Variants in PROS1 observed in about 807,000 individuals in gnomAD.
PROS1 encodes vitamin K-dependent protein S.
In PROS1, 29 loss-of-function variants were observed where a neutral mutation model predicts 75.9. The observed-to-expected ratio is 0.38, with a 90% CI of 0.28 to 0.52. The LOEUF (loss-of-function observed/expected upper bound fraction) is 0.52, where lower values mean the gene tolerates loss of function less well. Ranked by LOEUF, PROS1 falls within the 20% of genes least tolerant of loss-of-function variation. The pLI is 0.83. For missense variants in PROS1, 680 were observed against 810.3 expected (o/e 0.84, Z 1.95); for synonymous variants, 245 against 280.6 (o/e 0.87, Z 1.27).
intron 1 of PROS1, among the ~76,000 whole-genome samples, chr3:93,936,811 G>A (rs1294490675): frequency 6.6e-6 from 1 of 152,134 alleles, no homozygotes; most frequent in African/African-American, 2.4e-5. Context: ...GGTTAATGAT[G>A]GCAGAGAGTA....
intron 3 of PROS1, among the ~76,000 whole-genome samples, chr3:93,913,925 C>T (rs1708799947): frequency 6.6e-6 from 1 of 152,180 alleles, no homozygotes; most frequent in Non-Finnish European, 1.5e-5. Flanking sequence ...CAGGTAAGAA[C>T]AGTAACTGGT....
intron 1 of PROS1, among the ~76,000 whole-genome samples, chr3:93,961,947 T>G (rs917385434): frequency 3.3e-5 from 5 of 152,046 alleles, no homozygotes; most frequent in African/African-American, 1.2e-4. Flanking sequence ...CCCTACCTAT[T>G]CTCTCCTCCT....
At chr3:93,962,779 G>C (rs1709726230) in intron 1 of PROS1, among the ~76,000 whole-genome samples, 1 of 152,164 alleles carries the variant, frequency 6.6e-6, no homozygotes, top group Non-Finnish European at 1.5e-5. Context: ...GCAAGAGTTT[G>C]GTCATGTTGG....
intron 1 of PROS1, among the ~76,000 whole-genome samples, chr3:93,941,448 T>C (rs1341068776): frequency 2.6e-5 from 4 of 152,188 alleles, no homozygotes; most frequent in Non-Finnish European, 5.9e-5. Flanking sequence ...CTTTCCTTCC[T>C]GGGCATGATT....
chr3:93,967,938 A>T (rs1709815442), intron 1 of PROS1: 1 of 152,210 alleles, frequency 6.6e-6, no homozygotes, highest in Non-Finnish European at 1.5e-5. Context: ...CTGGTCCAAT[A>T]GTAGTGGGTT....
chr3:93,912,720 C>G (rs1355745567), intron 3 of PROS1, among the ~76,000 whole-genome samples: 2 of 152,142 alleles, frequency 1.3e-5, no homozygotes, highest in African/African-American at 2.4e-5. Flanking sequence ...GCTACACCAT[C>G]CCACAGCAGA....
chr3:93,905,520 AATT>A, intron 6 of PROS1, among the ~76,000 whole-genome samples: 1 of 152,144 alleles, frequency 6.6e-6, no homozygotes, highest in East Asian at 1.9e-4. Context: ...TCAGAGGATC[AATT>A]AAGCTCGGGA....
At chr3:93,914,366 T>A (rs1708807442) in intron 3 of PROS1, among the ~76,000 whole-genome samples, 2 of 152,178 alleles carry the variant, frequency 1.3e-5, no homozygotes, top group Admixed American at 1.3e-4. Flanking sequence ...CCTGCAAAAT[T>A]TACACCACAT....
intron 1 of PROS1, among the ~76,000 whole-genome samples, chr3:93,964,737 A>G (rs562604933): frequency 6.6e-6 from 1 of 152,226 alleles, no homozygotes; most frequent in East Asian, 1.9e-4. Context: ...GAAATCCTTA[A>G]TAAAAACCTG....
At chr3:93,902,684 C>G (rs1401647725) in intron 6 of PROS1, among the ~76,000 whole-genome samples, 1 of 151,022 alleles carries the variant, frequency 6.6e-6, no homozygotes, top group African/African-American at 2.4e-5. Context: ...ACCCGGGAAA[C>G]AGAGGTTGCA....
intron 10 of PROS1, among the ~76,000 whole-genome samples, chr3:93,889,535 T>C (rs1039046330): frequency 4.6e-5 from 7 of 152,180 alleles, no homozygotes; most frequent in Admixed American, 4.6e-4. Flanking sequence ...CATGTTACAT[T>C]ATATTATTTC....
At chr3:93,878,483 A>T (rs1362376486) in intron 13 of PROS1, among the ~76,000 whole-genome samples, 11 of 152,192 alleles carry the variant, frequency 7.2e-5, no homozygotes, top group Admixed American at 7.2e-4. Flanking sequence ...TGGCATAAAC[A>T]TCAGCTTCTT....
intron 6 of PROS1, among the ~76,000 whole-genome samples, chr3:93,902,035 C>T (rs1294965044): frequency 2.6e-5 from 4 of 151,904 alleles, no homozygotes; most frequent in Non-Finnish European, 5.9e-5. Context: ...CAGGAGTGGC[C>T]GGGCACAGCA....
At chr3:93,930,176 C>CATTAAAATAGAG (rs1372693445) in intron 1 of PROS1, among the ~76,000 whole-genome samples, 1 of 152,116 alleles carries the variant, frequency 6.6e-6, no homozygotes, top group Non-Finnish European at 1.5e-5. Flanking sequence ...TTATCATGCT[C>CATTAAAATAGAG]ATTAAAATAG....
At chr3:93,886,550 G>C in intron 10 of PROS1, 47 bp from the exon 11 acceptor site, 1 of 1,419,554 alleles carries the variant, frequency 7.0e-7, no homozygotes, top group East Asian at 2.3e-5. Context: ...ATTACTACAT[G>C]TCATTTGAAA....
chr3:93,949,836 T>G (rs1709464086), intron 1 of PROS1, among the ~76,000 whole-genome samples: 1 of 152,064 alleles, frequency 6.6e-6, no homozygotes, highest in African/African-American at 2.4e-5. Flanking sequence ...CTGGGACTTG[T>G]TGGACAGTGG....
chr3:93,885,026 T>C, intron 11 of PROS1, 130 bp from the exon 12 acceptor site: 2 of 854,178 alleles, frequency 2.3e-6, no homozygotes, highest in Non-Finnish European at 1.8e-6. Flanking sequence ...TTGAATTTTA[T>C]TTAAGTTTTT....
chr3:93,906,386 G>A (rs1211986123), intron 4 of PROS1, among the ~76,000 whole-genome samples: 4 of 152,324 alleles, frequency 2.6e-5, no homozygotes, highest in Admixed American at 1.3e-4. Context: ...CTGCCAAGAC[G>A]CCAGCTGCAG....
intron 10 of PROS1, among the ~76,000 whole-genome samples, chr3:93,890,187 A>G (rs1056018570): frequency 2.0e-5 from 3 of 152,102 alleles, no homozygotes; most frequent in African/African-American, 7.2e-5. Flanking sequence ...AGGGTGGGGA[A>G]AAAACCCCAC....
Sources: allele counts gnomAD v4.1 joint callset (sites outside exome capture counted in the v4.1 genomes callset), GRCh38; gene constraint gnomAD v4.1.1; transcripts MANE v1.5; gene names NCBI Gene and HGNC (gene_info 2026-07-23, HGNC 2026-07-21).